L3MBTL4: variants seen among roughly 807,000 people sequenced by gnomAD.
L3MBTL4 encodes the protein L3MBTL histone methyl-lysine binding protein 4, also known as lethal(3)malignant brain tumor-like protein 4.
L3MBTL4 carries 70 observed loss-of-function variants against 84.5 expected under a neutral mutation model. The ratio of observed to expected loss-of-function variants is 0.83; its 90% CI spans 0.68 to 1.01. The LOEUF (loss-of-function observed/expected upper bound fraction) is 1.01, where lower values mean the gene tolerates loss of function less well. L3MBTL4 is among the 50% of genes least tolerant of loss of function. L3MBTL4 has a pLI of 0.00. For synonymous variants in L3MBTL4, 274 were observed against 259.8 expected, an observed-to-expected ratio of 1.05 and a Z score of -0.52; for missense variants, 715 against 754.8, an observed-to-expected ratio of 0.95 and a Z score of 0.62.
At chr18:6,246,343 A>C in intron 5 of L3MBTL4, among the ~76,000 whole-genome samples, 2 of 152,278 alleles carry the variant, frequency 1.3e-5, no homozygotes, top group Middle Eastern at 6.8e-3. Context: ...TTGAATGTTT[A>C]TAGCTATTTT....
chr18:6,109,000 A>C (rs1444101493), intron 14 of L3MBTL4, among the ~76,000 whole-genome samples: 1 of 152,174 alleles, frequency 6.6e-6, no homozygotes, highest in African/African-American at 2.4e-5. Flanking sequence ...CCTGGAACCA[A>C]TGTCCTATGG....
chr18:6,147,606 T>C (rs2042710919), intron 13 of L3MBTL4, among the ~76,000 whole-genome samples: 1 of 152,184 alleles, frequency 6.6e-6, no homozygotes, highest in Admixed American at 6.5e-5. Context: ...AATCTAACCA[T>C]CTGCCTGACA....
intron 5 of L3MBTL4, among the ~76,000 whole-genome samples, chr18:6,250,582 G>A (rs1599339728): frequency 6.6e-6 from 1 of 152,192 alleles, no homozygotes; most frequent in East Asian, 1.9e-4. Context: ...TTATTCAAAG[G>A]CACGGGTAGG....
intron 16 of L3MBTL4, among the ~76,000 whole-genome samples, chr18:6,038,273 A>G (rs1361721870): frequency 8.2e-5 from 2 of 24,278 alleles, no homozygotes; most frequent in African/African-American, 1.4e-4. Flanking sequence ...TTTTTTTTTG[A>G]GACAGAGTCT....
At chr18:6,387,791 A>G (rs2054884788) in intron 1 of L3MBTL4, among the ~76,000 whole-genome samples, 3 of 152,268 alleles carry the variant, frequency 2.0e-5, no homozygotes, top group Admixed American at 2.0e-4. Context: ...AATCGTGATG[A>G]GTAGGGAGCC....
chr18:6,271,763 T>C (rs2048880816), intron 4 of L3MBTL4, among the ~76,000 whole-genome samples: 1 of 151,712 alleles, frequency 6.6e-6, no homozygotes, highest in African/African-American at 2.4e-5. Context: ...GGAGGCAGCG[T>C]TGGAAGGAGG....
chr18:6,387,270 C>G (rs947536616), intron 1 of L3MBTL4, among the ~76,000 whole-genome samples: 3 of 152,172 alleles, frequency 2.0e-5, no homozygotes, highest in African/African-American at 7.2e-5. Context: ...ATTCCCTTGC[C>G]TACAAAGTGA....
chr18:6,045,575 TC>T (rs2056581350), intron 16 of L3MBTL4, among the ~76,000 whole-genome samples: 1 of 152,082 alleles, frequency 6.6e-6, no homozygotes, highest in African/African-American at 2.4e-5. Flanking sequence ...GCAGGGAATC[TC>T]CCATTTTTAA....
intron 16 of L3MBTL4, among the ~76,000 whole-genome samples, chr18:6,074,098 A>T (rs1279653879): frequency 6.6e-6 from 1 of 152,022 alleles, no homozygotes; most frequent in South Asian, 2.1e-4. Context: ...GTTTTTTGCC[A>T]GCATCACTTT....
rs112549408 is a variant in L3MBTL4, at chr18:6,033,003, G to A, written c.1444+47878C>T. On this transcript the variant is annotated intron_variant, in intron 16 of 18. Coordinates refer to ENST00000317931, the MANE Select transcript of L3MBTL4 (RefSeq NM_001330559.2). ...CTTAAGAAGACTGTATGCCGCTGTTGGGTAGTGTCCTGTATGTATCGGTTA... is the reference window on the plus strand; with the variant it reads ...CTTAAGAAGACTGTATGCCGCTGTTAGGTAGTGTCCTGTATGTATCGGTTA... Among the ~76,000 whole-genome samples, 1,128 of 152,228 alleles carry A rather than the reference G, an allele frequency of 7.4e-3. 20 individuals are homozygous for A. Among genetic ancestry groups the A allele is most frequent in the African/African-American group, 0.026 (1,071 of 41,528 alleles).
At chr18:6,300,000 T>C (rs1414845480) in intron 4 of L3MBTL4, among the ~76,000 whole-genome samples, 3 of 152,180 alleles carry the variant, frequency 2.0e-5, no homozygotes, top group Admixed American at 6.5e-5. Context: ...TCTGTTCACA[T>C]ATAAATATAC....
chr18:6,345,985 C>T (rs76050840), intron 1 of L3MBTL4, among the ~76,000 whole-genome samples: 29,686 of 151,168 alleles, frequency 0.2, 3,670 homozygotes, highest in African/African-American at 0.36. Context: ...TATAGACCAA[C>T]GGAACAGAAT....
chr18:6,202,308 G>A (rs1568307382), intron 12 of L3MBTL4, among the ~76,000 whole-genome samples: 1 of 151,978 alleles, frequency 6.6e-6, no homozygotes, highest in Non-Finnish European at 1.5e-5. Flanking sequence ...TGAACAACAG[G>A]TTGGAGGAGT....
chr18:6,046,320 A>C (rs1012539631), intron 16 of L3MBTL4, among the ~76,000 whole-genome samples: 8 of 152,232 alleles, frequency 5.3e-5, no homozygotes, highest in African/African-American at 1.7e-4. Context: ...GGACTTTAAC[A>C]TGCCACTGAC....
intron 12 of L3MBTL4, among the ~76,000 whole-genome samples, chr18:6,180,081 C>G (rs1222232901): frequency 1.3e-5 from 2 of 152,040 alleles, no homozygotes; most frequent in East Asian, 3.9e-4. Flanking sequence ...ACTGAGAGAA[C>G]CATGCAAGAA....
chr18:6,045,137 T>C (rs1329789021), intron 16 of L3MBTL4, among the ~76,000 whole-genome samples: 4 of 152,200 alleles, frequency 2.6e-5, no homozygotes, highest in Non-Finnish European at 5.9e-5. Context: ...AAAGTAACTT[T>C]GCACCAGATC....
intron 16 of L3MBTL4, among the ~76,000 whole-genome samples, chr18:6,011,630 T>C (rs1419226607): frequency 1.3e-5 from 2 of 152,232 alleles, no homozygotes; most frequent in Admixed American, 6.5e-5. Flanking sequence ...AGCATTTATT[T>C]ACCCTTGTGA....
chr18:6,397,795 G>A (rs895208615), intron 1 of L3MBTL4: 2 of 152,312 alleles, frequency 1.3e-5, no homozygotes, highest in Non-Finnish European at 2.9e-5. Flanking sequence ...AGTCAAGGCT[G>A]TAGTGAGCTA....
At chr18:6,241,106 G>A (rs1201996436) in intron 8 of L3MBTL4, among the ~76,000 whole-genome samples, 1 of 152,156 alleles carries the variant, frequency 6.6e-6, no homozygotes, top group Non-Finnish European at 1.5e-5. Flanking sequence ...TTCAATTTTA[G>A]TAGGCTTTAA....
Sources: allele counts gnomAD v4.1 joint callset (sites outside exome capture counted in the v4.1 genomes callset), GRCh38; gene constraint gnomAD v4.1.1; transcripts MANE v1.5; gene names NCBI Gene and HGNC (gene_info 2026-07-23, HGNC 2026-07-21).